MTHFD1L: variants seen among roughly 807,000 people sequenced by gnomAD.
MTHFD1L encodes the protein methylenetetrahydrofolate dehydrogenase (NADP+ dependent) 1 like.
A neutral mutation model predicts 119.5 loss-of-function variants in MTHFD1L; 81 were observed. The observed-to-expected ratio is 0.68, with a 90% CI of 0.57 to 0.82. MTHFD1L has a LOEUF of 0.82. Ranked by LOEUF, MTHFD1L falls within the 40% of genes least tolerant of loss-of-function variation. The probability of loss-of-function intolerance (pLI) is 0.00; values close to 1 mark genes in which losing one functional copy is unlikely to be tolerated. For missense variants in MTHFD1L, 1,125 were observed against 1,253.4 expected (o/e 0.90, Z 1.55); for synonymous variants, 430 against 475.2 (o/e 0.90, Z 1.24).
At chr6:151,029,133 A>AT (rs1448018048) in intron 24 of MTHFD1L, among the ~76,000 whole-genome samples, 11 of 151,942 alleles carry the variant, frequency 7.2e-5, no homozygotes, top group African/African-American at 2.7e-4. Flanking sequence ...AAAAATATAT[A>AT]TTTTAGGCCA....
chr6:150,962,367 T>A (rs1190780932), intron 18 of MTHFD1L, among the ~76,000 whole-genome samples: 1 of 152,236 alleles, frequency 6.6e-6, no homozygotes, highest in Non-Finnish European at 1.5e-5. Flanking sequence ...AGTTACCTTT[T>A]TAAATAAACT....
intron 26 of MTHFD1L, among the ~76,000 whole-genome samples, chr6:151,054,190 A>G (rs1789525772): frequency 6.6e-6 from 1 of 152,194 alleles, no homozygotes; most frequent in Admixed American, 6.6e-5. Context: ...GGAAACTTAT[A>G]TCTTTCTTTG....
At chr6:151,096,041 C>T (rs1014048910) in intron 27 of MTHFD1L, among the ~76,000 whole-genome samples, 2 of 152,178 alleles carry the variant, frequency 1.3e-5, no homozygotes, top group Non-Finnish European at 2.9e-5. Flanking sequence ...TCAGTATTAC[C>T]CCAACCTTTA....
intron 7 of MTHFD1L, among the ~76,000 whole-genome samples, chr6:150,899,326 A>G (rs908334897): frequency 1.3e-5 from 2 of 152,242 alleles, no homozygotes; most frequent in African/African-American, 2.4e-5. Context: ...TTAAAAGCCA[A>G]TAATTTGTTC....
chr6:150,946,981 A>C (rs1794063156), intron 15 of MTHFD1L, among the ~76,000 whole-genome samples: 3 of 151,434 alleles, frequency 2.0e-5, no homozygotes. Flanking sequence ...AGGCTGGGGC[A>C]GGAGAATGGC....
chr6:150,950,750 A>T lies in MTHFD1L; in HGVS notation c.1726+1617A>T, dbSNP rs1203271850. ...AGTGGTGCGATCTAGGCTCACTGCA[A>T]CCTCTGCATCACTGGCTCAGTCGAT... On this transcript the variant is annotated intron_variant, in intron 16 of 27. Transcript: ENST00000367321. Among the ~76,000 whole-genome samples, 8 of 152,066 alleles carry T rather than the reference A, an allele frequency of 5.3e-5. No individual in the cohort carries two copies. In the East Asian group the frequency reaches 9.6e-4, roughly 18 times the overall value.
intron 12 of MTHFD1L, among the ~76,000 whole-genome samples, chr6:150,938,199 A>G (rs771577067): frequency 6.6e-5 from 10 of 151,990 alleles, no homozygotes; most frequent in Non-Finnish European, 1.0e-4. Context: ...TATATTTTTA[A>G]TAGAGATAGG....
chr6:151,030,762 G>T (rs17080721), intron 24 of MTHFD1L, among the ~76,000 whole-genome samples: 8,168 of 152,302 alleles, frequency 0.054, 364 homozygotes, highest in African/African-American at 0.1. Flanking sequence ...CAACTGTATA[G>T]GGAGGGCCTT....
chr6:151,066,156 G>C (rs1446455809), intron 26 of MTHFD1L, among the ~76,000 whole-genome samples: 1 of 152,254 alleles, frequency 6.6e-6, no homozygotes, highest in Non-Finnish European at 1.5e-5. Context: ...ACCACAGGAG[G>C]CTGGGCGCGG....
chr6:150,980,687 G>A (rs1485685088), intron 20 of MTHFD1L, among the ~76,000 whole-genome samples: 2 of 143,702 alleles, frequency 1.4e-5, no homozygotes, highest in Admixed American at 7.4e-5. Flanking sequence ...ATTCTCCTGG[G>A]CAACAGAGTG....
At chr6:150,878,182 T>G (rs1170779250) in intron 4 of MTHFD1L, among the ~76,000 whole-genome samples, 1 of 152,146 alleles carries the variant, frequency 6.6e-6, no homozygotes, top group East Asian at 1.9e-4. Context: ...CTTTTCTTCC[T>G]ACTGGCTTCA....
intron 7 of MTHFD1L, among the ~76,000 whole-genome samples, chr6:150,902,534 C>G (rs1034450236): frequency 6.6e-6 from 1 of 152,202 alleles, no homozygotes; most frequent in Admixed American, 6.5e-5. Context: ...TTAAAATCTT[C>G]CCTTGTCCTG....
chr6:151,010,190 C>T (rs929525645), intron 21 of MTHFD1L, among the ~76,000 whole-genome samples: 2 of 151,872 alleles, frequency 1.3e-5, no homozygotes, highest in Non-Finnish European at 2.9e-5. Context: ...TTAGTAAGTT[C>T]GAGTAAACAG....
intron 24 of MTHFD1L, among the ~76,000 whole-genome samples, chr6:151,027,802 G>A (rs1784790984): frequency 6.6e-6 from 1 of 152,104 alleles, no homozygotes; most frequent in South Asian, 2.1e-4. Flanking sequence ...TTCCTTAATT[G>A]TACTTGTGAG....
At chr6:151,020,881 T>C (rs1362023606) in intron 24 of MTHFD1L, among the ~76,000 whole-genome samples, 1 of 152,210 alleles carries the variant, frequency 6.6e-6, no homozygotes, top group Non-Finnish European at 1.5e-5. Flanking sequence ...CTAATCTACA[T>C]GCGCACTTTA....
At chr6:151,036,933 T>A (rs201115633) in intron 25 of MTHFD1L, 32 bp from the exon 26 acceptor site, 503 of 1,610,738 alleles carry the variant, frequency 3.1e-4, no homozygotes, top group Non-Finnish European at 4.1e-4. Context: ...AACATCTGTA[T>A]CAGTGAACAC....
intron 26 of MTHFD1L, among the ~76,000 whole-genome samples, chr6:151,074,773 G>C (rs954504715): frequency 5.3e-5 from 8 of 152,150 alleles, no homozygotes; most frequent in Admixed American, 2.0e-4. Flanking sequence ...TGCTATGCAG[G>C]CTTGTAGCCC....
intron 4 of MTHFD1L, 35 bp from the exon 5 acceptor site, chr6:150,882,726 AC>A: frequency 7.1e-7 from 1 of 1,399,982 alleles, no homozygotes; most frequent in African/African-American, 1.5e-5. Flanking sequence ...TTTTCACAAA[AC>A]TAATTTTTAT....
rs75955515 is a variant in MTHFD1L at position 150,904,003 on chromosome 6, T to C, written c.781-1647T>C. 4.1e-3 allele frequency among the ~76,000 whole-genome samples: 619 copies of C among 152,330 alleles called. 1 individual carries two copies. Among genetic ancestry groups the C allele is most frequent in the African/African-American group, 0.013 (529 of 41,572 alleles). ...TCCTCTGTCAGGGGACTTGGATCTG[T>C]CCTTGATCTTGGCTTTTCTGTTCAT... is the stretch of plus-strand genomic sequence containing the variant. On this transcript the variant is annotated intron_variant, in intron 7 of 27. Coordinates refer to ENST00000367321, the MANE Select transcript of MTHFD1L (RefSeq NM_015440.5).
Sources: allele counts gnomAD v4.1 joint callset (sites outside exome capture counted in the v4.1 genomes callset), GRCh38; gene constraint gnomAD v4.1.1; transcripts MANE v1.5; gene names NCBI Gene and HGNC (gene_info 2026-07-23, HGNC 2026-07-21).